The following TEX22 variants were observed in gnomAD, a reference collection of about 807,000 sequenced individuals.
TEX22 encodes testis-expressed protein 22.
In TEX22, 16 loss-of-function variants were observed where a neutral mutation model predicts 11.3. That is an observed-to-expected ratio of 1.42 (90% CI 0.96 to 2.15). The LOEUF is 2.15. Among genes scored for constraint, TEX22 ranks in the 30% most tolerant of loss-of-function variants. The probability of loss-of-function intolerance (pLI) is 0.00; values close to 1 mark genes in which losing one functional copy is unlikely to be tolerated. For synonymous variants in TEX22, 97 were observed against 92.3 expected, an observed-to-expected ratio of 1.05 and a Z score of -0.29; for missense variants, 220 against 208.6, an observed-to-expected ratio of 1.05 and a Z score of -0.34.
In TEX22 at chr14:105,399,359, T is replaced by TC. The variant is rs1354161685; in HGVS notation, c.25dup (p.Arg9ProfsTer131). Reference sequence around the variant, plus strand: ...GCTAGAGATGGACAGCAGGAAACTGTCCCCCCGGGGGAAGAAGCTGGAGTC... The same window carrying TC: ...GCTAGAGATGGACAGCAGGAAACTGTCCCCCCCGGGGGAAGAAGCTGGAGTC... On this transcript the variant is annotated frameshift_variant, in exon 2 of 4. Transcript: ENST00000451127. LOFTEE classifies it high-confidence loss of function. The TC allele has an allele frequency of 8.8e-5, 135 of 1,534,396 alleles. No homozygotes were observed. The highest frequency in any genetic ancestry group is 1.2e-4 in the Non-Finnish European group (132 of 1,146,550).
At position 105,411,683 on chromosome 14, in the gene TEX22, G is replaced by A; in HGVS notation, c.303G>A (p.Gln101=). The change falls in exon 4 of 4, where the codon CAG becomes CAA. Residue 101 remains glutamine, a synonymous_variant. Transcript: ENST00000451127. ...HCRDVVQMVA[Q]LVSEDVDKDV... is the part of the protein sequence containing the mutation. The stretch of plus-strand genomic sequence containing the variant: ...AGGACGTCGTGCAGATGGTAGCCCA[G>A]CTGGTGTCGGAGGACGTGGACAAGG... 1 of 1,531,768 alleles carries A rather than the reference G, an allele frequency of 6.5e-7. No homozygotes were observed. 94.9% of individuals were successfully genotyped at this position (1,531,768 alleles called of 1,614,324 possible).
chr14:105,402,044 G>A (rs1192456460), intron 2 of TEX22, among the ~76,000 whole-genome samples: 6 of 152,156 alleles, frequency 3.9e-5, no homozygotes, highest in African/African-American at 1.4e-4. Context: ...AAACTAGCTG[G>A]GCATGGTGGT....
At chr14:105,404,446 A>G (rs587642886) in intron 2 of TEX22, among the ~76,000 whole-genome samples, 9 of 152,360 alleles carry the variant, frequency 5.9e-5, no homozygotes, top group African/African-American at 2.2e-4. Flanking sequence ...ACACAGGGGC[A>G]TGGATACCAG....
chr14:105,411,404 C>T lies in TEX22; in HGVS notation c.187C>T (p.Arg63Cys). 4 of 1,303,296 alleles carry T rather than the reference C, an allele frequency of 3.1e-6. No homozygotes were observed. The highest frequency in any genetic ancestry group is 3.9e-6 in the Non-Finnish European group (4 of 1,028,022). The allele number at this position is 1,303,296 out of a possible 1,614,324, so 80.7% of individuals were successfully genotyped here. The change falls in exon 3 of 4, where the codon CGC (arginine) becomes TGC (cysteine). Residue 63 changes from arginine (R) to cysteine (C), a missense_variant. Arg to Cys is a radical substitution (Grantham distance 180, BLOSUM62 -3). Transcript: ENST00000451127. ...GCCGGAACGCAGGCGCCCGGGCCGCCGCTGGAGCGTCAGCATCGACGAGCG... is the reference window on the plus strand; with the variant it reads ...GCCGGAACGCAGGCGCCCGGGCCGCTGCTGGAGCGTCAGCATCGACGAGCG... ...EPPERRRPGR[R>C]WSVSIDERRR...
intron 2 of TEX22, among the ~76,000 whole-genome samples, chr14:105,400,763 G>A (rs2081622474): frequency 6.6e-6 from 1 of 152,162 alleles, no homozygotes. Context: ...TAGGTTGTTG[G>A]CCAAGGGTGG....
At chr14:105,404,010 C>T (rs901246624) in intron 2 of TEX22, among the ~76,000 whole-genome samples, 1 of 152,222 alleles carries the variant, frequency 6.6e-6, no homozygotes, top group Non-Finnish European at 1.5e-5. Context: ...TTCCCCAGAG[C>T]TTAGCAACTT....
At chr14:105,406,336 T>C (rs1555418868) in intron 2 of TEX22, among the ~76,000 whole-genome samples, 2 of 152,234 alleles carry the variant, frequency 1.3e-5, no homozygotes, top group African/African-American at 4.8e-5. Flanking sequence ...ATACTTGTAA[T>C]ATTTATAACA....
At chr14:105,400,449 G>T (rs2081620790) in intron 2 of TEX22, among the ~76,000 whole-genome samples, 2 of 152,172 alleles carry the variant, frequency 1.3e-5, no homozygotes, top group African/African-American at 4.8e-5. Flanking sequence ...ATACACATAG[G>T]TCACCTGTCT....
intron 3 of TEX22, 49 bp from the exon 4 acceptor site, chr14:105,411,611 G>C: frequency 7.7e-7 from 1 of 1,305,078 alleles, no homozygotes; most frequent in Non-Finnish European, 9.9e-7. Context: ...GGGCCCCGCC[G>C]TTGTCCCCTT....
At chr14:105,404,547 C>G (rs2081649343) in intron 2 of TEX22, among the ~76,000 whole-genome samples, 2 of 152,130 alleles carry the variant, frequency 1.3e-5, no homozygotes, top group South Asian at 4.1e-4. Flanking sequence ...TACTGAGAAG[C>G]ATAATAGTGA....
intron 2 of TEX22, among the ~76,000 whole-genome samples, chr14:105,406,629 A>T (rs1363696655): frequency 1.3e-5 from 2 of 151,868 alleles, no homozygotes; most frequent in Non-Finnish European, 1.5e-5. Flanking sequence ...CTGTATCTTT[A>T]AAAAAAAGGA....
chr14:105,406,738 G>A (rs1463647206), intron 2 of TEX22, among the ~76,000 whole-genome samples: 1 of 151,816 alleles, frequency 6.6e-6, no homozygotes, highest in Non-Finnish European at 1.5e-5. Flanking sequence ...TATAAAGGTG[G>A]ATCTATGTGG....
intron 2 of TEX22, among the ~76,000 whole-genome samples, chr14:105,405,903 A>G (rs978176477): frequency 2.0e-5 from 3 of 152,244 alleles, no homozygotes; most frequent in African/African-American, 4.8e-5. Context: ...ACCAGCTCCA[A>G]CAACTAAAAC....
chr14:105,409,464 G>A (rs1555419121), intron 2 of TEX22, among the ~76,000 whole-genome samples: 1 of 151,106 alleles, frequency 6.6e-6, no homozygotes, highest in African/African-American at 2.4e-5. Context: ...GCGCTGCTGT[G>A]TGGTGGTGCC....
At chr14:105,399,665 C>T (rs968611076) in intron 2 of TEX22, among the ~76,000 whole-genome samples, 175 bp downstream of exon 2, 4 of 152,174 alleles carry the variant, frequency 2.6e-5, no homozygotes, top group East Asian at 1.9e-4. Context: ...TGGCCCTGGA[C>T]GAGCACCAAG....
At chr14:105,405,383 G>A (rs587641411) in intron 2 of TEX22, among the ~76,000 whole-genome samples, 1 of 152,238 alleles carries the variant, frequency 6.6e-6, no homozygotes, top group African/African-American at 2.4e-5. Context: ...AAGGAGATAC[G>A]ATGGCAGATA....
chr14:105,409,475 C>G (rs1296826566), intron 2 of TEX22, among the ~76,000 whole-genome samples: 2 of 151,496 alleles, frequency 1.3e-5, no homozygotes, highest in African/African-American at 4.9e-5. Flanking sequence ...TGGTGGTGCC[C>G]TAGACTATTA....
At chr14:105,409,107 T>C (rs374666683) in intron 2 of TEX22, among the ~76,000 whole-genome samples, 46 of 152,132 alleles carry the variant, frequency 3.0e-4, no homozygotes, top group African/African-American at 1.1e-3. Context: ...GTGGCCTTCC[T>C]GGAGCCCTGG....
At chr14:105,411,521 G>GGGGGGGCCCCCCCCCC in intron 3 of TEX22, 25 bp downstream of exon 3, 2 of 458,518 alleles carry the variant, frequency 4.4e-6, no homozygotes. Context: ...GGTCCTCCCC[G>GGGGGGGCCCCCCCCCC]CCCCGTCCCC....
Sources: allele counts gnomAD v4.1 joint callset (sites outside exome capture counted in the v4.1 genomes callset), GRCh38; gene constraint gnomAD v4.1.1; transcripts MANE v1.5; gene names NCBI Gene and HGNC (gene_info 2026-07-23, HGNC 2026-07-21).